The following STPG2 variants were observed in gnomAD, a reference collection of about 807,000 sequenced individuals.
STPG2 encodes sperm tail PG-rich repeat containing 2.
In STPG2, 56 loss-of-function variants were observed where a neutral mutation model predicts 54.2. The observed-to-expected ratio is 1.03, with a 90% CI of 0.83 to 1.29. The LOEUF (loss-of-function observed/expected upper bound fraction) is 1.29, where lower values mean the gene tolerates loss of function less well. Ranked by LOEUF, STPG2 falls within the 50% of genes most tolerant of loss-of-function variation. The probability of loss-of-function intolerance (pLI) is 0.00; values close to 1 mark genes in which losing one functional copy is unlikely to be tolerated. For synonymous variants in STPG2, 200 were observed against 181.8 expected, an observed-to-expected ratio of 1.10 and a Z score of -0.81; for missense variants, 596 against 544.9, an observed-to-expected ratio of 1.09 and a Z score of -0.93.
intron 8 of STPG2, among the ~76,000 whole-genome samples, chr4:97,853,840 G>A (rs138318691): frequency 1.9e-3 from 296 of 152,186 alleles, no homozygotes; most frequent in African/African-American, 7.0e-3. Flanking sequence ...GGAGTGCAGT[G>A]ACATGATCAC....
rs533460218 is a variant in STPG2, at chr4:97,573,117, C to A, written c.1321-14000G>T. Reference sequence around the variant, plus strand: ...CCTAAATACGATATGCATTTTCATTCTTCTATATGGGTAATTTTTAATTTT... The same window carrying A: ...CCTAAATACGATATGCATTTTCATTATTCTATATGGGTAATTTTTAATTTT... On this transcript the variant is annotated intron_variant, in intron 10 of 10. Transcript: ENST00000295268. 2.6e-5 allele frequency among the ~76,000 whole-genome samples: 4 copies of A among 152,040 alleles called. No homozygotes were observed. In the South Asian group the frequency reaches 6.2e-4, roughly 24 times the overall value.
intron 4 of STPG2, among the ~76,000 whole-genome samples, chr4:97,550,346 C>T (rs1474946114): frequency 6.6e-6 from 1 of 150,986 alleles, no homozygotes; most frequent in Non-Finnish European, 1.5e-5. Context: ...ATATAATGTA[C>T]CTAACAAATA....
chr4:97,671,792 C>A (rs1722704226), intron 10 of STPG2, among the ~76,000 whole-genome samples: 1 of 152,140 alleles, frequency 6.6e-6, no homozygotes, highest in Admixed American at 6.6e-5. Context: ...ATGGTAACAA[C>A]ATCCATCTCT....
At chr4:97,533,971 AG>A in intron 4 of STPG2, among the ~76,000 whole-genome samples, 1 of 152,142 alleles carries the variant, frequency 6.6e-6, no homozygotes, top group Non-Finnish European at 1.5e-5. Context: ...TTTATTAAGT[AG>A]AAACTGCAAA....
rs528752330 is a variant in STPG2, at chr4:97,911,723, A to G, written c.1044+32174T>C. Among the ~76,000 whole-genome samples, 4 of 152,228 alleles carry G rather than the reference A, an allele frequency of 2.6e-5. No homozygotes were observed. In the South Asian group the frequency reaches 8.3e-4, roughly 32 times the overall value. ...GGAGCCCCTGGTGGGGAGAAGCGACAAAGGTCTTCACGGTTCAGCAGACAT... is the reference window on the plus strand; with the variant it reads ...GGAGCCCCTGGTGGGGAGAAGCGACGAAGGTCTTCACGGTTCAGCAGACAT... On this transcript the variant is annotated intron_variant, in intron 8 of 10. Transcript: ENST00000295268.
intron 10 of STPG2, among the ~76,000 whole-genome samples, chr4:97,704,119 CAAATGTT>C (rs1339442668): frequency 6.6e-6 from 1 of 152,030 alleles, no homozygotes; most frequent in African/African-American, 2.4e-5. Flanking sequence ...CCCACTGACT[CAAATGTT>C]AATCTCCTTT....
At chr4:98,142,405 G>T (rs985236281) in intron 1 of STPG2, among the ~76,000 whole-genome samples, 9 of 152,082 alleles carry the variant, frequency 5.9e-5, no homozygotes, top group Non-Finnish European at 1.2e-4. Context: ...ATTTATTTTT[G>T]ACTAAGTCAC....
At chr4:97,738,327 C>T (rs1196596129) in intron 9 of STPG2, among the ~76,000 whole-genome samples, 2 of 152,178 alleles carry the variant, frequency 1.3e-5, no homozygotes, top group Non-Finnish European at 2.9e-5. Flanking sequence ...AACCAGCTAA[C>T]ATTAAAATGA....
chr4:97,498,137 G>A (rs2148831382), intron 4 of STPG2, among the ~76,000 whole-genome samples: 1 of 152,018 alleles, frequency 6.6e-6, no homozygotes, highest in African/African-American at 2.4e-5. Context: ...AGAATTTCAA[G>A]AAAGAAAAAC....
chr4:97,936,604 C>T (rs1436179417), intron 8 of STPG2, among the ~76,000 whole-genome samples: 3 of 152,138 alleles, frequency 2.0e-5, no homozygotes, highest in Non-Finnish European at 4.4e-5. Flanking sequence ...ATTTGCTTGT[C>T]TGAAAATGAT....
intron 7 of STPG2, among the ~76,000 whole-genome samples, chr4:97,963,450 C>T (rs1287688971): frequency 6.6e-6 from 1 of 152,076 alleles, no homozygotes; most frequent in African/African-American, 2.4e-5. Context: ...GCCAGGAGTT[C>T]AAGATCATCC....
At chr4:97,895,489 C>T (rs1459753287) in intron 8 of STPG2, among the ~76,000 whole-genome samples, 1 of 151,820 alleles carries the variant, frequency 6.6e-6, no homozygotes, top group Admixed American at 6.6e-5. Context: ...ATTATTCCTT[C>T]TGAAATATGG....
At chr4:97,477,751 A>T (rs1338055862) in intron 4 of STPG2, among the ~76,000 whole-genome samples, 1 of 151,778 alleles carries the variant, frequency 6.6e-6, no homozygotes, top group Non-Finnish European at 1.5e-5. Context: ...TGGCCTCCCA[A>T]AGTGCTGGGA....
intron 10 of STPG2, among the ~76,000 whole-genome samples, chr4:97,655,463 T>C (rs1328335934): frequency 1.3e-5 from 2 of 152,136 alleles, no homozygotes; most frequent in African/African-American, 4.8e-5. Flanking sequence ...GATAGAACTA[T>C]TAAACAAAAG....
intron 9 of STPG2, among the ~76,000 whole-genome samples, chr4:97,748,943 C>T (rs1725499704): frequency 6.6e-6 from 1 of 151,528 alleles, no homozygotes; most frequent in South Asian, 2.1e-4. Context: ...TTGTTTTCAG[C>T]TATTTCCCCA....
chr4:97,955,608 T>C (rs941537304), intron 7 of STPG2, among the ~76,000 whole-genome samples: 2 of 152,048 alleles, frequency 1.3e-5, no homozygotes, highest in Non-Finnish European at 2.9e-5. Flanking sequence ...AGAAAAAATA[T>C]GACAAAATAC....
chr4:97,648,954 G>T (rs988015676), intron 10 of STPG2, among the ~76,000 whole-genome samples: 2 of 152,036 alleles, frequency 1.3e-5, no homozygotes, highest in Admixed American at 6.6e-5. Context: ...ACACATCCAG[G>T]TTATAAACTT....
At chr4:97,844,518 C>G (rs1038950672) in intron 8 of STPG2, among the ~76,000 whole-genome samples, 1 of 151,998 alleles carries the variant, frequency 6.6e-6, no homozygotes, top group African/African-American at 2.4e-5. Flanking sequence ...CTGACCTCCA[C>G]TGATTCTGAT....
At chr4:98,077,518 G>A (rs1468619654) in intron 5 of STPG2, among the ~76,000 whole-genome samples, 2 of 152,130 alleles carry the variant, frequency 1.3e-5, no homozygotes, top group Non-Finnish European at 2.9e-5. Context: ...TTACAGGCAT[G>A]AGCCACCATG....
Sources: gnomAD v4.1 joint callset for allele counts (sites outside exome capture counted in the v4.1 genomes callset) on GRCh38, gnomAD v4.1.1 for gene constraint, MANE v1.5 for transcripts, NCBI Gene and HGNC (gene_info 2026-07-23, HGNC 2026-07-21) for gene names.